Variants in CYP2U1 observed in about 807,000 individuals in gnomAD.
CYP2U1 encodes the protein cytochrome P450 2U1.
Under a neutral mutation model 42.8 loss-of-function variants are expected in CYP2U1, and 28 were observed. The observed-to-expected ratio is 0.65, with a 90% CI of 0.48 to 0.90. CYP2U1 has a LOEUF of 0.90. CYP2U1 is among the 40% of genes least tolerant of loss of function. CYP2U1 has a pLI of 0.00. For synonymous variants in CYP2U1, 296 were observed against 278.9 expected (o/e 1.06, Z -0.61); for missense variants, 642 against 693.8 (o/e 0.93, Z 0.84).
rs1252165215 is a variant in CYP2U1, at chr4:107,950,417, G to A, written c.1629G>A (p.Arg543=). The part of the protein sequence containing the change: ...APHPFNITIS[R]R Reference sequence around the variant, plus strand: ...ATCCATTTAATATAACTATTTCAAGGAGATGAAGAGCATCTCCAAGAAGAG... The same window carrying A: ...ATCCATTTAATATAACTATTTCAAGAAGATGAAGAGCATCTCCAAGAAGAG... Residue 543 remains arginine, a synonymous_variant, in exon 5 of 5, where the codon AGG becomes AGA. Coordinates refer to ENST00000332884, the MANE Select transcript of CYP2U1 (RefSeq NM_183075.3). 1 of 1,602,566 alleles carries A rather than the reference G, an allele frequency of 6.2e-7. No homozygotes were observed. Among genetic ancestry groups the A allele is most frequent in the Non-Finnish European group, 8.5e-7 (1 of 1,177,170 alleles).
rs1195908787 is a variant in CYP2U1 at position 107,950,345 on chromosome 4, T to C, written c.1557T>C (p.Ser519=). 1 of 1,614,108 alleles carries C rather than the reference T, an allele frequency of 6.2e-7. No individual in the cohort carries two copies. Among genetic ancestry groups the C allele is most frequent in the Non-Finnish European group, 8.5e-7 (1 of 1,179,990 alleles). Residue 519 remains serine, a synonymous_variant, in exon 5 of 5, where the codon TCT becomes TCC. Coordinates refer to ENST00000332884, the MANE Select transcript of CYP2U1 (RefSeq NM_183075.3). Reference sequence around the variant, plus strand: ...TCGCATTTGCTTTACCTGAGGATTCTAAGAAGCCCCTCCTGACTGGAAGAT... The same window carrying C: ...TCGCATTTGCTTTACCTGAGGATTCCAAGAAGCCCCTCCTGACTGGAAGAT... ...QSFAFALPED[S]KKPLLTGRFG...
chr4:107,946,344 G>A (rs1293465846), intron 2 of CYP2U1, among the ~76,000 whole-genome samples: 1 of 152,020 alleles, frequency 6.6e-6, no homozygotes, highest in Non-Finnish European at 1.5e-5. Context: ...ATCTTCCTCT[G>A]ACTCTGAACT....
At chr4:107,934,922 G>A (rs1228289223) in intron 1 of CYP2U1, among the ~76,000 whole-genome samples, 1 of 152,168 alleles carries the variant, frequency 6.6e-6, no homozygotes, top group Non-Finnish European at 1.5e-5. Flanking sequence ...ACACTGGCAA[G>A]TATTTAGCCT....
intron 4 of CYP2U1, among the ~76,000 whole-genome samples, chr4:107,949,972 A>G (rs1490039526): frequency 2.0e-5 from 3 of 152,174 alleles, no homozygotes; most frequent in African/African-American, 4.8e-5. Context: ...GGCACAGAAG[A>G]GACAGGATAG....
chr4:107,939,611 C>T (rs1733405893), intron 1 of CYP2U1, among the ~76,000 whole-genome samples: 1 of 152,130 alleles, frequency 6.6e-6, no homozygotes, highest in Admixed American at 6.5e-5. Context: ...GAGGGGAATG[C>T]CAGTGGAGTA....
chr4:107,947,452 C>T lies in CYP2U1; in HGVS notation c.1203C>T (p.Pro401=), dbSNP rs1403124288. 45 of 1,614,056 alleles carry T rather than the reference C, an allele frequency of 2.8e-5. No homozygotes were observed. Among genetic ancestry groups the T allele is most frequent in the Non-Finnish European group, 3.6e-5 (43 of 1,180,020 alleles). ...APSLTDKAQM[P]YTEATIMEVQ... ...CCCTCACAGACAAGGCCCAGATGCC[C>T]TACACAGAAGCCACCATCATGGAAG... The change falls in exon 3 of 5, where the codon CCC becomes CCT. Residue 401 remains proline (P), a synonymous_variant. Coordinates refer to ENST00000332884, the MANE Select transcript of CYP2U1 (RefSeq NM_183075.3).
At chr4:107,940,102 C>CA (rs1287323105) in intron 1 of CYP2U1, 1 of 146,234 alleles carries the variant, frequency 6.8e-6, no homozygotes, top group Non-Finnish European at 1.5e-5. Context: ...TTTTTTTAGA[C>CA]AGAGTCTCAC....
At chr4:107,932,601 G>T (rs977320469) in intron 1 of CYP2U1, among the ~76,000 whole-genome samples, 1 of 152,200 alleles carries the variant, frequency 6.6e-6, no homozygotes, top group Non-Finnish European at 1.5e-5. Flanking sequence ...AAACACAGAA[G>T]AAGCCTATTA....
Position 107,931,918 on chromosome 4 carries a change from G to C in CYP2U1, c.275G>C (p.Arg92Thr), listed in dbSNP as rs1215978793. 6.4e-7 allele frequency: 1 copy of C among 1,550,952 alleles called. No homozygotes were observed. The highest frequency in any genetic ancestry group is 1.4e-5 in the African/African-American group (1 of 73,066). The change falls in exon 1 of 5, where the codon AGG (arginine) becomes ACG (threonine). Residue 92 changes from arginine to threonine, a missense_variant. Coordinates refer to ENST00000332884, the MANE Select transcript of CYP2U1 (RefSeq NM_183075.3). Reference protein sequence around the residue: ...RRRSWLSSRTRAAGIDPSVIG... With the variant: ...RRRSWLSSRTTAAGIDPSVIG... ...CGGAGCTGGCTGAGCAGCAGGACCA[G>C]GGCCGCAGGGATTGATCCCTCGGTC...
chr4:107,936,657 T>G (rs1733279946), intron 1 of CYP2U1: 1 of 152,224 alleles, frequency 6.6e-6, no homozygotes. Context: ...GTAAGACATG[T>G]GATCTGTTTC....
Position 107,931,615 on chromosome 4 carries a change from G to A in CYP2U1, c.-29G>A. 1 of 1,250,602 alleles carries A rather than the reference G, an allele frequency of 8.0e-7. No homozygotes were observed. 77.5% of individuals were successfully genotyped at this position (1,250,602 alleles called of 1,614,324 possible). ...GTGCGCGTCTCCTCCAGGCAGCAAGGGGAACCCGAGGCCGCCGGCGCCCGG... is the reference window on the plus strand; with the variant it reads ...GTGCGCGTCTCCTCCAGGCAGCAAGAGGAACCCGAGGCCGCCGGCGCCCGG... On this transcript the variant is annotated 5_prime_UTR_variant, in exon 1 of 5. Transcript: ENST00000332884.
At position 107,947,372 on chromosome 4, in the gene CYP2U1, A is replaced by G. The variant is rs1394359762; in HGVS notation, c.1127-4A>G. ...TTCTGGTTTATTTTTCCCTTTTTAC[A>G]TAGAAAAGGTTCATGAAGAAATTGA... On this transcript the variant is annotated splice_polypyrimidine_tract_variant and splice_region_variant and intron_variant, in intron 2 of 4. Transcript: ENST00000332884. The G allele has an allele frequency of 6.2e-7, 1 of 1,613,862 alleles. No homozygotes were observed. Among genetic ancestry groups the G allele is most frequent in the Non-Finnish European group, 8.5e-7 (1 of 1,179,794 alleles).
At chr4:107,940,032 C>T (rs1012320606) in intron 1 of CYP2U1, 1 of 151,922 alleles carries the variant, frequency 6.6e-6, no homozygotes, top group African/African-American at 2.4e-5. Context: ...TTTTCCTACC[C>T]CTACTCTAAG....
At chr4:107,942,515 CTATT>C (rs1007204110) in intron 1 of CYP2U1, among the ~76,000 whole-genome samples, 19 of 152,272 alleles carry the variant, frequency 1.2e-4, no homozygotes, top group African/African-American at 3.6e-4. Flanking sequence ...ACTATAAAGA[CTATT>C]TATATCTTAT....
chr4:107,932,007 A>T lies in CYP2U1; in HGVS notation c.364A>T (p.Ile122Phe), dbSNP rs1276540394. 2 of 1,557,452 alleles carry T rather than the reference A, an allele frequency of 1.3e-6. No homozygotes were observed. The highest frequency in any genetic ancestry group is 3.9e-5 in the Admixed American group (2 of 51,806). Residue 122 changes from isoleucine to phenylalanine, a missense_variant, in exon 1 of 5, where the codon ATC (isoleucine) becomes TTC (phenylalanine). Physicochemically the swap from Ile to Phe is conservative, Grantham distance 21 (BLOSUM62 0). Coordinates refer to ENST00000332884, the MANE Select transcript of CYP2U1 (RefSeq NM_183075.3). ...GTACGGCAGCATCTTCAGCTTCTTT[A>T]TCGGCCACTACCTGGTGGTGGTCCT... ...RVYGSIFSFF[I>F]GHYLVVVLSD...
chr4:107,942,500 A>C (rs896912678), intron 1 of CYP2U1, among the ~76,000 whole-genome samples: 1 of 152,232 alleles, frequency 6.6e-6, no homozygotes, highest in African/African-American at 2.4e-5. Context: ...TTAGATATAA[A>C]AATTACTATA....
Position 107,931,750 on chromosome 4 carries a change from C to A in CYP2U1, c.107C>A (p.Ala36Glu), listed in dbSNP as rs1351893573. The A allele has an allele frequency of 3.5e-6, 5 of 1,430,350 alleles. No individual in the cohort carries two copies. Among genetic ancestry groups the A allele is most frequent in the South Asian group, 1.5e-5 (1 of 66,912 alleles). 88.6% of individuals were successfully genotyped at this position (1,430,350 alleles called of 1,614,324 possible). The part of the protein sequence containing the change: ...GLLRLDPSGG[A>E]LLLCGLVALL... ...CTGCGGCTGGACCCCAGCGGGGGCG[C>A]GCTGCTGCTATGCGGCCTCGTAGCG... is the stretch of plus-strand genomic sequence containing the variant. Residue 36 changes from alanine to glutamate, a missense_variant, in exon 1 of 5, where the codon GCG (alanine) becomes GAG (glutamate). By Grantham distance (107) the Ala-to-Glu change is moderately radical. Coordinates refer to ENST00000332884, the MANE Select transcript of CYP2U1 (RefSeq NM_183075.3).
rs781551534 is a variant in CYP2U1, at chr4:107,947,538, G to A, written c.1288+1G>A. On this transcript the variant is annotated splice_donor_variant, in intron 3 of 4. Coordinates refer to ENST00000332884, the MANE Select transcript of CYP2U1 (RefSeq NM_183075.3). LOFTEE classifies it high-confidence loss of function. ...CCTCATATGACCTCAGAGAACACAG[G>A]CAAGTCCAGGGTCTTCCTCTTTGAA... 2.5e-6 allele frequency: 4 copies of A among 1,613,880 alleles called. No homozygotes were observed. The highest frequency in any genetic ancestry group is 3.4e-6 in the Non-Finnish European group (4 of 1,179,946).
intron 2 of CYP2U1, among the ~76,000 whole-genome samples, 200 bp downstream of exon 2, chr4:107,945,805 C>T (rs1273869108): frequency 6.6e-6 from 1 of 152,198 alleles, no homozygotes; most frequent in African/African-American, 2.4e-5. Context: ...TCATAACTTG[C>T]TTACCCCTGC....
Sources: gnomAD v4.1 joint callset for allele counts (sites outside exome capture counted in the v4.1 genomes callset) on GRCh38, gnomAD v4.1.1 for gene constraint, MANE v1.5 for transcripts, NCBI Gene and HGNC (gene_info 2026-07-23, HGNC 2026-07-21) for gene names.